Variants in FOXP2 observed in about 807,000 individuals in gnomAD.
FOXP2 encodes forkhead box P2.
FOXP2 carries 12 observed loss-of-function variants against 115.8 expected under a neutral mutation model. The ratio of observed to expected loss-of-function variants is 0.10; its 90% CI spans 0.07 to 0.17. FOXP2 has a LOEUF of 0.17. FOXP2 is among the 10% of genes least tolerant of loss of function. The pLI is 1.00. For synonymous variants in FOXP2, 328 were observed against 297.7 expected (o/e 1.10, Z -1.05); for missense variants, 629 against 843.5 (o/e 0.75, Z 3.15).
intron 2 of FOXP2, among the ~76,000 whole-genome samples, chr7:114,397,372 C>T (rs1247077853): frequency 6.6e-6 from 1 of 151,926 alleles, no homozygotes; most frequent in Non-Finnish European, 1.5e-5. Context: ...TTTCGTGGAA[C>T]CTGAGAGAAA....
intron 4 of FOXP2, chr7:114,628,897 G>A (rs770590204): frequency 1.3e-4 from 68 of 541,744 alleles, no homozygotes; most frequent in Non-Finnish European, 1.7e-4. Context: ...TAAGAGCAGA[G>A]AGAGGTGTAA....
At chr7:114,618,530 C>T (rs1429033718) in intron 3 of FOXP2, among the ~76,000 whole-genome samples, 2 of 152,136 alleles carry the variant, frequency 1.3e-5, no homozygotes, top group East Asian at 1.9e-4. Flanking sequence ...TTAACAAGGA[C>T]ATACTTCCTC....
intron 2 of FOXP2, among the ~76,000 whole-genome samples, chr7:114,382,262 C>T (rs1032701493): frequency 6.6e-6 from 1 of 152,102 alleles, no homozygotes; most frequent in African/African-American, 2.4e-5. Context: ...CCCTTCTGAC[C>T]CTCAATGGTC....
chr7:114,246,561 A>G (rs1452867252), intron 1 of FOXP2, among the ~76,000 whole-genome samples: 1 of 152,140 alleles, frequency 6.6e-6, no homozygotes, highest in African/African-American at 2.4e-5. Flanking sequence ...TATTGAGTAC[A>G]TATTATAGAT....
chr7:114,111,126 A>ATT (rs1791257751), intron 1 of FOXP2, among the ~76,000 whole-genome samples: 1 of 152,174 alleles, frequency 6.6e-6, no homozygotes, highest in Admixed American at 6.6e-5. Flanking sequence ...GCCTGCAATC[A>ATT]ATCACACCTC....
At chr7:114,581,107 A>AC (rs1554424102) in intron 3 of FOXP2, among the ~76,000 whole-genome samples, 2 of 149,318 alleles carry the variant, frequency 1.3e-5, no homozygotes, top group African/African-American at 2.5e-5. Context: ...ACACACACAC[A>AC]AGCACACGGA....
At chr7:114,557,777 ACTG>A (rs1392833018) in intron 3 of FOXP2, among the ~76,000 whole-genome samples, 1 of 150,102 alleles carries the variant, frequency 6.7e-6, no homozygotes, top group East Asian at 1.9e-4. Flanking sequence ...GAATTTTGAC[ACTG>A]AACTGACTTT....
intron 1 of FOXP2, among the ~76,000 whole-genome samples, chr7:114,285,838 A>G (rs539661447): frequency 6.6e-6 from 1 of 151,924 alleles, no homozygotes. Context: ...ATATATAAGT[A>G]TATGTTAACC....
intron 10 of FOXP2, chr7:114,656,719 C>T (rs1475621816): frequency 1.4e-5 from 3 of 214,628 alleles, no homozygotes; most frequent in Non-Finnish European, 2.0e-5. Flanking sequence ...TATTATTAGA[C>T]TGCTAATGTG....
chr7:114,193,441 G>A (rs919506585), intron 1 of FOXP2, among the ~76,000 whole-genome samples: 1 of 151,544 alleles, frequency 6.6e-6, no homozygotes, highest in Non-Finnish European at 1.5e-5. Flanking sequence ...ATATTAAACT[G>A]TAATAATATA....
intron 16 of FOXP2, among the ~76,000 whole-genome samples, chr7:114,687,160 A>G (rs1808410896): frequency 6.6e-6 from 1 of 152,138 alleles, no homozygotes; most frequent in Non-Finnish European, 1.5e-5. Context: ...CGTTATTTCC[A>G]TTTAGTTTAC....
At chr7:114,277,565 C>T (rs1268251337) in intron 1 of FOXP2, among the ~76,000 whole-genome samples, 7 of 151,966 alleles carry the variant, frequency 4.6e-5, no homozygotes, top group Non-Finnish European at 8.8e-5. Flanking sequence ...AAGCCAGTTT[C>T]CTACAGATTC....
chr7:114,180,552 A>T (rs191141966), intron 1 of FOXP2, among the ~76,000 whole-genome samples: 67 of 152,082 alleles, frequency 4.4e-4, no homozygotes, highest in African/African-American at 1.5e-3. Context: ...TCCCATAAGA[A>T]TTCATCTAAA....
chr7:114,250,706 C>G (rs1795418662), intron 1 of FOXP2, among the ~76,000 whole-genome samples: 1 of 152,078 alleles, frequency 6.6e-6, no homozygotes, highest in African/African-American at 2.4e-5. Context: ...AGCCCTTTGC[C>G]AGATGAGTAG....
intron 8 of FOXP2, 81 bp from the exon 9 acceptor site, chr7:114,652,122 G>T: frequency 7.8e-7 from 1 of 1,282,620 alleles, no homozygotes. Flanking sequence ...TCTGACTTCA[G>T]TGTAGTGCTT....
chr7:114,503,042 T>C (rs1353602055), intron 2 of FOXP2, among the ~76,000 whole-genome samples: 1 of 151,882 alleles, frequency 6.6e-6, no homozygotes, highest in African/African-American at 2.4e-5. Context: ...ACAACAGGAG[T>C]GAAACTCTTT....
At chr7:114,315,634 A>C (rs1797259026) in intron 2 of FOXP2, among the ~76,000 whole-genome samples, 1 of 152,020 alleles carries the variant, frequency 6.6e-6, no homozygotes, top group Admixed American at 6.6e-5. Flanking sequence ...ACACACACAC[A>C]CAAACAAACA....
At chr7:114,640,059 A>G (rs1805439943) in intron 6 of FOXP2, among the ~76,000 whole-genome samples, 1 of 152,164 alleles carries the variant, frequency 6.6e-6, no homozygotes, top group Non-Finnish European at 1.5e-5. Context: ...GCAAGAGTTG[A>G]CAATACAGCA....
chr7:114,336,887 T>A (rs928521139), intron 2 of FOXP2, among the ~76,000 whole-genome samples: 7 of 151,534 alleles, frequency 4.6e-5, no homozygotes, highest in Non-Finnish European at 1.0e-4. Flanking sequence ...CCAGTGTTAC[T>A]TTTCAGGACA....
Sources: gnomAD v4.1 joint callset for allele counts (sites outside exome capture counted in the v4.1 genomes callset) on GRCh38, gnomAD v4.1.1 for gene constraint, MANE v1.5 for transcripts, NCBI Gene and HGNC (gene_info 2026-07-23, HGNC 2026-07-21) for gene names.